GNB1: variants seen among roughly 807,000 people sequenced by gnomAD.
GNB1 encodes guanine nucleotide-binding protein G(I)/G(S)/G(T) subunit beta-1.
Under a neutral mutation model 42.9 loss-of-function variants are expected in GNB1, and 2 were observed. The ratio of observed to expected loss-of-function variants is 0.05; its 90% CI spans 0.02 to 0.15. GNB1 has a LOEUF of 0.15. GNB1 is among the 10% of genes least tolerant of loss of function. The pLI is 1.00. For synonymous variants in GNB1, 183 were observed against 174.7 expected, an observed-to-expected ratio of 1.05 and a Z score of -0.38; for missense variants, 193 against 462.2, an observed-to-expected ratio of 0.42 and a Z score of 5.34.
At chr1:1,848,447 CCTGTCT>C (rs1450466077) in intron 1 of GNB1, among the ~76,000 whole-genome samples, 1 of 151,918 alleles carries the variant, frequency 6.6e-6, no homozygotes, top group Non-Finnish European at 1.5e-5. Flanking sequence ...ACCAAGTATG[CCTGTCT>C]CTCCTACCTC....
At chr1:1,801,322 C>A (rs1167730586) in intron 7 of GNB1, among the ~76,000 whole-genome samples, 1 of 152,184 alleles carries the variant, frequency 6.6e-6, no homozygotes, top group Non-Finnish European at 1.5e-5. Context: ...GCCAACCATG[C>A]CCAGCCTATT....
At position 1,790,244 on chromosome 1, in the gene GNB1, C is replaced by T; in HGVS notation, c.699+151G>A. 1.6e-6 allele frequency: 1 copy of T among 624,258 alleles called. No homozygotes were observed. The highest frequency in any genetic ancestry group is 2.9e-6 in the Non-Finnish European group (1 of 350,248). 38.7% of individuals were successfully genotyped at this position (624,258 alleles called of 1,614,324 possible). A position where few individuals can be genotyped will look rare whatever the true frequency, so the allele number is the denominator to read the frequency against. On this transcript the variant is annotated intron_variant, in intron 9 of 11. Coordinates refer to ENST00000378609, the MANE Select transcript of GNB1 (RefSeq NM_002074.5). This position sits in a 1 kb window ranked among gnomAD's most constrained non-coding sequence, Gnocchi z 5.4. ...AAGTGGTCAACACAGAGAAGTTTCC[C>T]ATCGGGAGTTTTCTGTATCCCCATC...
intron 5 of GNB1, among the ~76,000 whole-genome samples, chr1:1,814,797 CAAA>C (rs66588627): frequency 2.6e-5 from 2 of 77,606 alleles, no homozygotes; most frequent in Non-Finnish European, 4.8e-5. Flanking sequence ...GACCCTGTCT[CAAA>C]AAAAAAAAAA....
intron 1 of GNB1, among the ~76,000 whole-genome samples, chr1:1,859,301 C>T (rs1162226346): frequency 2.6e-5 from 4 of 152,100 alleles, no homozygotes; most frequent in Non-Finnish European, 4.4e-5. Context: ...GGCTTACAGG[C>T]GTGAGCCACC....
At chr1:1,842,469 C>CTGCTAGAA (rs1647283274) in intron 1 of GNB1, among the ~76,000 whole-genome samples, 1 of 151,642 alleles carries the variant, frequency 6.6e-6, no homozygotes, top group South Asian at 2.1e-4. Context: ...GGTCCTGTCT[C>CTGCTAGAA]TGCTAGAACA....
intron 2 of GNB1, among the ~76,000 whole-genome samples, chr1:1,828,324 G>GA (rs1276579466): frequency 2.6e-5 from 4 of 152,000 alleles, no homozygotes; most frequent in African/African-American, 7.3e-5. Flanking sequence ...TCTGTCTCGA[G>GA]AAAAAAAGAG....
chr1:1,855,509 G>A (rs1648236802), intron 1 of GNB1, among the ~76,000 whole-genome samples: 1 of 151,878 alleles, frequency 6.6e-6, no homozygotes, highest in Non-Finnish European at 1.5e-5. Context: ...AGACCATCCT[G>A]GCTAACACAG....
intron 1 of GNB1, among the ~76,000 whole-genome samples, chr1:1,859,565 G>C (rs1231961876): frequency 6.6e-6 from 1 of 152,134 alleles, no homozygotes; most frequent in African/African-American, 2.4e-5. Flanking sequence ...AAGGTGCCAT[G>C]AATCTGCCCT....
At chr1:1,802,067 TGAAGCACA>T (rs1646633534) in intron 7 of GNB1, among the ~76,000 whole-genome samples, 1 of 152,146 alleles carries the variant, frequency 6.6e-6, no homozygotes, top group Admixed American at 6.5e-5. Context: ...TCAAGATATC[TGAAGCACA>T]GATTGACAGA....
chr1:1,863,797 T>TCCC (rs1648762691), intron 1 of GNB1, among the ~76,000 whole-genome samples: 1 of 152,156 alleles, frequency 6.6e-6, no homozygotes, highest in Admixed American at 6.5e-5. Context: ...AAGCACTGAA[T>TCCC]CCCCACTCTC....
At chr1:1,848,357 CA>C (rs56979938) in intron 1 of GNB1, among the ~76,000 whole-genome samples, 56,035 of 93,670 alleles carry the variant, frequency 0.6, 12,623 homozygotes, top group Admixed American at 0.67. Flanking sequence ...CCAGCCCAGG[CA>C]AAAAAAAAAA....
rs185579233 is a variant in GNB1, at chr1:1,826,386, C to T, written c.-46-887G>A. 1.6e-3 allele frequency among the ~76,000 whole-genome samples: 249 copies of T among 152,252 alleles called. 2 individuals carry two copies. Among genetic ancestry groups the T allele is most frequent in the Non-Finnish European group, 1.8e-3 (120 of 68,012 alleles). On this transcript the variant is annotated intron_variant, in intron 2 of 11. Transcript: ENST00000378609. Reference sequence around the variant, plus strand: ...GAGCCAAAATCACACCACTGCATTCCGGCCTGGGTGACAGAGCGAGACTCC... The same window carrying T: ...GAGCCAAAATCACACCACTGCATTCTGGCCTGGGTGACAGAGCGAGACTCC...
chr1:1,847,952 G>A (rs1268135604), intron 1 of GNB1, among the ~76,000 whole-genome samples: 1 of 152,166 alleles, frequency 6.6e-6, no homozygotes, highest in Non-Finnish European at 1.5e-5. Flanking sequence ...CGTGGACACT[G>A]GGCAATCTGG....
At chr1:1,872,593 C>T (rs184220356) in intron 1 of GNB1, among the ~76,000 whole-genome samples, 4 of 152,286 alleles carry the variant, frequency 2.6e-5, no homozygotes, top group East Asian at 1.9e-4. Context: ...CTGTCCCTTC[C>T]GCAGGGCCTC....
chr1:1,839,395 A>G (rs1251307315), intron 1 of GNB1, among the ~76,000 whole-genome samples, 157 bp from the exon 2 acceptor site: 2 of 152,140 alleles, frequency 1.3e-5, no homozygotes, highest in East Asian at 3.8e-4. Flanking sequence ...CAGTACTGTC[A>G]TATTTTGTTT....
intron 1 of GNB1, among the ~76,000 whole-genome samples, chr1:1,883,880 G>A (rs1463735020): frequency 6.6e-6 from 1 of 151,930 alleles, no homozygotes; most frequent in Non-Finnish European, 1.5e-5. Context: ...CTAGATTTTA[G>A]GAATTATTTT....
chr1:1,795,384 A>G (rs1646532645), intron 7 of GNB1, among the ~76,000 whole-genome samples: 1 of 152,192 alleles, frequency 6.6e-6, no homozygotes, highest in Admixed American at 6.6e-5. Flanking sequence ...ACAGAAGGGC[A>G]GGAAAGAAGA....
chr1:1,868,101 ATGTC>A (rs1649042667), intron 1 of GNB1, among the ~76,000 whole-genome samples: 1 of 152,220 alleles, frequency 6.6e-6, no homozygotes, highest in South Asian at 2.1e-4. Flanking sequence ...TTCTGTATTT[ATGTC>A]TATCTATTCA....
At chr1:1,864,544 A>C (rs955673819) in intron 1 of GNB1, among the ~76,000 whole-genome samples, 10 of 152,036 alleles carry the variant, frequency 6.6e-5, no homozygotes, top group African/African-American at 2.4e-4. Flanking sequence ...CTGTAGGTTA[A>C]CTTCATGTAG....
Sources: gnomAD v4.1 joint callset for allele counts (sites outside exome capture counted in the v4.1 genomes callset) on GRCh38, gnomAD v4.1.1 for gene constraint, Gnocchi (gnomAD v3.1) non-coding constraint, MANE v1.5 for transcripts, NCBI Gene and HGNC (gene_info 2026-07-23, HGNC 2026-07-21) for gene names.